Variants in ZNF565 observed in about 807,000 individuals in gnomAD.
ZNF565 encodes zinc finger protein 565.
A neutral mutation model predicts 39.4 loss-of-function variants in ZNF565; 27 were observed. The observed-to-expected ratio is 0.69, with a 90% CI of 0.51 to 0.95. The LOEUF (loss-of-function observed/expected upper bound fraction) is 0.95. ZNF565 is among the 40% of genes least tolerant of loss of function. The pLI, the probability that ZNF565 is intolerant of heterozygous loss-of-function variation, is 0.00. For missense variants in ZNF565, 524 were observed against 621.1 expected, an observed-to-expected ratio of 0.84 and a Z score of 1.66; for synonymous variants, 185 against 216.6, an observed-to-expected ratio of 0.85 and a Z score of 1.28.
In ZNF565 at chr19:36,183,583, T is replaced by C; in HGVS notation, c.383A>G (p.Gln128Arg). 1 of 1,614,190 alleles carries C rather than the reference T, an allele frequency of 6.2e-7. No homozygotes were observed. The highest frequency in any genetic ancestry group is 1.3e-5 in the African/African-American group (1 of 75,050). ...DWECEGQFER[Q>R]VNEECYFKQV... ...CTTAAAATAGCACTCTTCATTGACT[T>C]GTCTCTCAAACTGGCCTTCGCATTC... The change falls in exon 5 of 5, where the codon CAA becomes CGA. Residue 128 changes from glutamine to arginine, a missense_variant. Transcript: ENST00000304116.
At position 36,182,582 on chromosome 19, in the gene ZNF565, G is replaced by C. The variant is rs755514378; in HGVS notation, c.1384C>G (p.Leu462Val). 8.1e-6 allele frequency: 13 copies of C among 1,614,124 alleles called. No individual in the cohort carries two copies. Among genetic ancestry groups the C allele is most frequent in the African/African-American group, 1.3e-5 (1 of 75,042 alleles). The change falls in exon 5 of 5, where the codon CTT becomes GTT. Residue 462 changes from leucine (L) to valine (V), a missense_variant. Transcript: ENST00000304116. ...GGATGAATTCTCTGATGTTCGGTAAGTTGTGAACTACGAATAAAGGCCATT... is the reference window on the plus strand; with the variant it reads ...GGATGAATTCTCTGATGTTCGGTAACTTGTGAACTACGAATAAAGGCCATT... The part of the protein sequence containing the change: ...CGMAFIRSSQ[L>V]TEHQRIHPGI...
At chr19:36,197,649 T>C (rs1305685386) in intron 2 of ZNF565, among the ~76,000 whole-genome samples, 1 of 152,086 alleles carries the variant, frequency 6.6e-6, no homozygotes, top group Non-Finnish European at 1.5e-5. Context: ...AATTAAGATG[T>C]GTATGTTAAA....
intron 4 of ZNF565, among the ~76,000 whole-genome samples, chr19:36,186,865 A>ACTT (rs748178511): frequency 5.3e-5 from 8 of 152,158 alleles, no homozygotes; most frequent in Admixed American, 2.0e-4. Flanking sequence ...CAAGTAACAC[A>ACTT]CTTTAAGACA....
upstream of ZNF565, among the ~76,000 whole-genome samples, chr19:36,216,775 G>A (rs1197808724): frequency 6.6e-6 from 1 of 152,132 alleles, no homozygotes; most frequent in African/African-American, 2.4e-5. Flanking sequence ...AGTACAGACT[G>A]AGAAAGAAAA....
intron 1 of ZNF565, among the ~76,000 whole-genome samples, chr19:36,239,728 C>G (rs1304110362): frequency 6.6e-6 from 1 of 152,150 alleles, no homozygotes; most frequent in Non-Finnish European, 1.5e-5. Context: ...AGCTCTGTCA[C>G]TCCTCCCACT....
intron 1 of ZNF565, among the ~76,000 whole-genome samples, chr19:36,227,290 G>A (rs1977113079): frequency 1.3e-5 from 2 of 151,408 alleles, no homozygotes; most frequent in African/African-American, 4.8e-5. Context: ...TCGGGAGGCT[G>A]AGGCAGGAGA....
intron 1 of ZNF565, among the ~76,000 whole-genome samples, chr19:36,214,135 C>T (rs1976485074): frequency 6.6e-6 from 1 of 152,046 alleles, no homozygotes; most frequent in Non-Finnish European, 1.5e-5. Flanking sequence ...CTCCCGCATA[C>T]ACAGCACCAC....
At chr19:36,225,161 A>G (rs1977013591) in intron 1 of ZNF565, among the ~76,000 whole-genome samples, 1 of 152,192 alleles carries the variant, frequency 6.6e-6, no homozygotes, top group Admixed American at 6.5e-5. Flanking sequence ...ATATAAATAT[A>G]GATTACCCAT....
At chr19:36,219,932 T>TC (rs1976764475) in intron 1 of ZNF565, among the ~76,000 whole-genome samples, 1 of 152,244 alleles carries the variant, frequency 6.6e-6, no homozygotes, top group African/African-American at 2.4e-5. Flanking sequence ...TATCTTTTTT[T>TC]CCCCCTGGCT....
chr19:36,236,575 A>G (rs576184561), intron 1 of ZNF565: 3 of 1,614,246 alleles, frequency 1.9e-6, no homozygotes, highest in Admixed American at 3.3e-5. Context: ...AACCTTTTGA[A>G]TGTAACGAGT....
chr19:36,233,693 C>A (rs1419196047), intron 1 of ZNF565, among the ~76,000 whole-genome samples: 3 of 152,204 alleles, frequency 2.0e-5, no homozygotes, highest in East Asian at 3.8e-4. Context: ...TGTGCATATA[C>A]ATAAACATCT....
At chr19:36,218,824 G>C (rs181967489), upstream of ZNF565, among the ~76,000 whole-genome samples, 176 of 140,936 alleles carry the variant, frequency 1.2e-3, 1 homozygote, top group African/African-American at 4.0e-3. Context: ...TTTGGTGGAG[G>C]GGGGGACAGA....
chr19:36,219,059 C>T (rs185637445), upstream of ZNF565, among the ~76,000 whole-genome samples: 565 of 152,216 alleles, frequency 3.7e-3, 1 homozygote, highest in Non-Finnish European at 6.2e-3. Context: ...CCGCCCACCT[C>T]GGCCTCCCAA....
intron 1 of ZNF565, chr19:36,237,209 C>T: frequency 5.0e-6 from 8 of 1,614,028 alleles, no homozygotes; most frequent in Non-Finnish European, 6.8e-6. Context: ...AACCCTTGCT[C>T]TGCATTTGAG....
chr19:36,206,450 A>G (rs1234446312), intron 1 of ZNF565, among the ~76,000 whole-genome samples: 1 of 151,272 alleles, frequency 6.6e-6, no homozygotes, highest in Non-Finnish European at 1.5e-5. Flanking sequence ...TCTCTACAAA[A>G]AATTTGAAGA....
At chr19:36,230,493 T>C (rs1487321778) in intron 1 of ZNF565, among the ~76,000 whole-genome samples, 1 of 152,206 alleles carries the variant, frequency 6.6e-6, no homozygotes, top group Non-Finnish European at 1.5e-5. Flanking sequence ...GTTGGGGTTG[T>C]AATTTTAAAT....
At chr19:36,190,612 A>G (rs1975498590) in intron 4 of ZNF565, among the ~76,000 whole-genome samples, 1 of 151,380 alleles carries the variant, frequency 6.6e-6, no homozygotes, top group Non-Finnish European at 1.5e-5. Flanking sequence ...AAGGCTAATC[A>G]GTTGACCACC....
chr19:36,188,825 C>T (rs1975418009), intron 4 of ZNF565, among the ~76,000 whole-genome samples: 1 of 151,748 alleles, frequency 6.6e-6, no homozygotes, highest in East Asian at 1.9e-4. Flanking sequence ...TATACATCTA[C>T]ATACACACAT....
intron 3 of ZNF565, chr19:36,194,825 CT>C (rs549642593): frequency 2.6e-4 from 186 of 720,622 alleles, no homozygotes; most frequent in South Asian, 2.5e-3. Context: ...ATTTCTTACC[CT>C]CCTCTCTCCC....
Sources: allele counts gnomAD v4.1 joint callset (sites outside exome capture counted in the v4.1 genomes callset), GRCh38; gene constraint gnomAD v4.1.1; transcripts MANE v1.5; gene names NCBI Gene and HGNC (gene_info 2026-07-23, HGNC 2026-07-21).